THSD4: variants seen among roughly 807,000 people sequenced by gnomAD.
THSD4 encodes the protein thrombospondin type 1 domain containing 4.
A neutral mutation model predicts 119.0 loss-of-function variants in THSD4; 69 were observed. That is an observed-to-expected ratio of 0.58 (90% CI 0.48 to 0.71). The LOEUF (loss-of-function observed/expected upper bound fraction) is 0.71. Ranked by LOEUF, THSD4 falls within the 30% of genes least tolerant of loss-of-function variation. THSD4 has a pLI of 0.00. For missense variants in THSD4, 1,393 were observed against 1,391.1 expected (o/e 1.00, Z -0.02); for synonymous variants, 524 against 540.4 (o/e 0.97, Z 0.42).
chr15:71,534,286 G>A (rs1451760008), intron 7 of THSD4, among the ~76,000 whole-genome samples: 1 of 152,228 alleles, frequency 6.6e-6, no homozygotes, highest in Non-Finnish European at 1.5e-5. Context: ...TTCATTTGCA[G>A]TCTCAACCCT....
intron 4 of THSD4, among the ~76,000 whole-genome samples, chr15:71,218,241 C>G (rs1596275006): frequency 6.6e-6 from 1 of 152,192 alleles, no homozygotes; most frequent in East Asian, 1.9e-4. Flanking sequence ...ATCAGAGGAC[C>G]TAGAGCCAGT....
chr15:71,414,064 C>T (rs1204398406), intron 7 of THSD4, among the ~76,000 whole-genome samples: 4 of 152,216 alleles, frequency 2.6e-5, no homozygotes, highest in African/African-American at 4.8e-5. Flanking sequence ...ACCTGCCCTC[C>T]GAAGTCGGAT....
chr15:71,587,216 G>A (rs898287219), intron 7 of THSD4, among the ~76,000 whole-genome samples: 20 of 128,594 alleles, frequency 1.6e-4, no homozygotes, highest in Non-Finnish European at 2.7e-4. Flanking sequence ...TCAGTGTGGT[G>A]ATTCCTCAGG....
chr15:71,653,803 A>G (rs1192418205), intron 7 of THSD4, among the ~76,000 whole-genome samples: 1 of 151,958 alleles, frequency 6.6e-6, no homozygotes, highest in Non-Finnish European at 1.5e-5. Context: ...GTAGAAGACA[A>G]CTCTCTGCCT....
intron 1 of THSD4, among the ~76,000 whole-genome samples, chr15:71,124,742 G>T (rs1034826692): frequency 1.3e-5 from 2 of 152,126 alleles, no homozygotes; most frequent in Non-Finnish European, 2.9e-5. Context: ...TCTATTTCGT[G>T]ACTTAAATTG....
intron 1 of THSD4, among the ~76,000 whole-genome samples, chr15:71,098,665 G>A (rs1174194201): frequency 6.6e-6 from 1 of 152,078 alleles, no homozygotes; most frequent in Non-Finnish European, 1.5e-5. Context: ...TGGGCAGTGC[G>A]AAAATGAATG....
At chr15:71,296,277 T>C (rs939936316) in intron 6 of THSD4, among the ~76,000 whole-genome samples, 6 of 152,200 alleles carry the variant, frequency 3.9e-5, no homozygotes, top group African/African-American at 9.6e-5. Context: ...CCATCAACAA[T>C]AGATAAGGGT....
chr15:71,762,292 A>G (rs984789825), intron 15 of THSD4, among the ~76,000 whole-genome samples: 1 of 152,204 alleles, frequency 6.6e-6, no homozygotes, highest in Non-Finnish European at 1.5e-5. Flanking sequence ...TTCTCCCTGA[A>G]GTACACAATC....
chr15:71,457,382 A>C (rs2047355288), intron 7 of THSD4, among the ~76,000 whole-genome samples: 2 of 136,474 alleles, frequency 1.5e-5, no homozygotes, highest in Non-Finnish European at 3.2e-5. Flanking sequence ...CTCGCCTCAA[A>C]AAAAAAAAAA....
intron 3 of THSD4, among the ~76,000 whole-genome samples, chr15:71,167,740 T>C (rs1000756003): frequency 6.6e-6 from 1 of 152,178 alleles, no homozygotes; most frequent in Non-Finnish European, 1.5e-5. Context: ...GGGACAACAT[T>C]ATTAATTTGT....
intron 9 of THSD4, 101 bp from the exon 10 acceptor site, chr15:71,731,020 A>G: frequency 9.1e-7 from 1 of 1,104,818 alleles, no homozygotes; most frequent in East Asian, 2.5e-5. Flanking sequence ...ACTAGAGTGA[A>G]CCAACCCAGT....
chr15:71,261,967 C>T (rs193181149), intron 6 of THSD4, among the ~76,000 whole-genome samples: 71 of 152,290 alleles, frequency 4.7e-4, no homozygotes, highest in African/African-American at 1.7e-3. Context: ...TTTTATCCTT[C>T]CTCCTCTTAA....
intron 1 of THSD4, among the ~76,000 whole-genome samples, chr15:71,140,905 A>G (rs572836360): frequency 1.4e-4 from 22 of 152,372 alleles, no homozygotes; most frequent in African/African-American, 5.3e-4. Flanking sequence ...TTCTGTCTCT[A>G]TAGATTTGCC....
chr15:71,757,757 G>C, intron 14 of THSD4, 145 bp from the exon 15 acceptor site: 1 of 958,810 alleles, frequency 1.0e-6, no homozygotes, highest in Non-Finnish European at 1.6e-6. Context: ...TAATGGAGTA[G>C]GCTATGCACG....
intron 1 of THSD4, among the ~76,000 whole-genome samples, chr15:71,120,676 G>C (rs958092537): frequency 9.2e-5 from 14 of 152,236 alleles, no homozygotes; most frequent in African/African-American, 3.1e-4. Context: ...TCCTGCCAGG[G>C]GAAATGAAGG....
intron 1 of THSD4, among the ~76,000 whole-genome samples, chr15:71,139,722 A>G (rs2040585300): frequency 6.6e-6 from 1 of 152,154 alleles, no homozygotes; most frequent in Non-Finnish European, 1.5e-5. Flanking sequence ...ATCTTTTTGT[A>G]AATCCTTGTC....
intron 6 of THSD4, among the ~76,000 whole-genome samples, chr15:71,321,651 A>G (rs531231853): frequency 2.4e-4 from 36 of 152,358 alleles, no homozygotes; most frequent in African/African-American, 8.7e-4. Context: ...TTCTAAGAAT[A>G]GATTTATTTA....
intron 3 of THSD4, chr15:71,165,118 C>G: frequency 6.2e-7 from 1 of 1,611,178 alleles, no homozygotes; most frequent in Non-Finnish European, 8.5e-7. Context: ...GGAAGAAGGC[C>G]GAAGGAGGCC....
intron 3 of THSD4, among the ~76,000 whole-genome samples, chr15:71,202,892 A>G (rs1311176046): frequency 6.6e-6 from 1 of 152,226 alleles, no homozygotes. Context: ...TGCATCAGCC[A>G]GGTGACAGAC....
Sources: allele counts gnomAD v4.1 joint callset (sites outside exome capture counted in the v4.1 genomes callset), GRCh38; gene constraint gnomAD v4.1.1; transcripts MANE v1.5; gene names NCBI Gene and HGNC (gene_info 2026-07-23, HGNC 2026-07-21).